HGSNAT: variants seen among roughly 807,000 people sequenced by gnomAD.
The protein encoded by HGSNAT is heparan-alpha-glucosaminide N-acetyltransferase.
HGSNAT carries 59 observed loss-of-function variants against 85.2 expected under a neutral mutation model. That is an observed-to-expected ratio of 0.69 (90% CI 0.56 to 0.86). The LOEUF is 0.86. HGSNAT is among the 40% of genes least tolerant of loss of function. The pLI, the probability that HGSNAT is intolerant of heterozygous loss-of-function variation, is 0.00. For synonymous variants in HGSNAT, 321 were observed against 304.5 expected, an observed-to-expected ratio of 1.05 and a Z score of -0.56; for missense variants, 756 against 777.1, an observed-to-expected ratio of 0.97 and a Z score of 0.32.
In HGSNAT at chr8:43,200,109, G is replaced by A. The variant is rs2130827087; in HGVS notation, c.*540G>A. On this transcript the variant is annotated 3_prime_UTR_variant, in exon 18 of 18. Coordinates refer to ENST00000379644, the MANE Select transcript of HGSNAT (RefSeq NM_152419.3). ...CCAAAGTAATTTTCTTTTCAGATAT[G>A]CAAGGCTTTGGTGGGTCCAAAAAAT... is the stretch of plus-strand genomic sequence containing the variant. The A allele has an allele frequency of 6.6e-6, 1 of 152,322 alleles. No homozygotes were observed. Among genetic ancestry groups the A allele is most frequent in the Non-Finnish European group, 1.5e-5 (1 of 68,036 alleles). The allele number at this position is 152,322 out of a possible 1,614,324, so 9.4% of individuals were successfully genotyped here.
chr8:43,147,831 T>A (rs1387034404), intron 2 of HGSNAT, among the ~76,000 whole-genome samples: 1 of 152,156 alleles, frequency 6.6e-6, no homozygotes, highest in Non-Finnish European at 1.5e-5. Context: ...ACCTACTAGG[T>A]ACTGTGCTCA....
chr8:43,181,862 C>A, intron 10 of HGSNAT: 1 of 428,840 alleles, frequency 2.3e-6, no homozygotes, highest in Non-Finnish European at 4.2e-6. Flanking sequence ...CTGAGTAAGA[C>A]GCTTTGGTTC....
At chr8:43,142,728 A>C (rs1802589528) in intron 1 of HGSNAT, among the ~76,000 whole-genome samples, 1 of 152,172 alleles carries the variant, frequency 6.6e-6, no homozygotes, top group Admixed American at 6.5e-5. Flanking sequence ...GTTTTTTTAG[A>C]GCTTCCTCAG....
At chr8:43,161,840 C>T (rs1000199847) in intron 5 of HGSNAT, among the ~76,000 whole-genome samples, 5 of 152,232 alleles carry the variant, frequency 3.3e-5, no homozygotes, top group South Asian at 2.1e-4. Flanking sequence ...AGGAGGAGGT[C>T]GCTGCACTGA....
At chr8:43,172,144 A>C (rs1803644951) in intron 7 of HGSNAT, among the ~76,000 whole-genome samples, 166 bp from the exon 8 acceptor site, 1 of 152,234 alleles carries the variant, frequency 6.6e-6, no homozygotes, top group Admixed American at 6.5e-5. Context: ...CGATGACTAG[A>C]AAATAATCGC....
chr8:43,170,606 A>G lies in HGSNAT; in HGVS notation c.655A>G (p.Thr219Ala), dbSNP rs1803591651. 3 of 1,609,728 alleles carry G rather than the reference A, an allele frequency of 1.9e-6. No individual in the cohort carries two copies. The highest frequency in any genetic ancestry group is 2.2e-5 in the South Asian group (2 of 89,908). ...GAAGGAGCTGGGATCTCCCAGCAGGACAGACCCTCTCGATGGTGATGTTCA... is the reference window on the plus strand; with the variant it reads ...GAAGGAGCTGGGATCTCCCAGCAGGGCAGACCCTCTCGATGGTGATGTTCA... ...INSELGSPSR[T>A]DPLDGDVQPA... is the part of the protein sequence containing the mutation. Residue 219 changes from threonine to alanine, a missense_variant, in exon 7 of 18, where the codon ACA becomes GCA. By Grantham distance (58) the Thr-to-Ala change is moderately conservative. Transcript: ENST00000379644.
At chr8:43,147,528 C>T (rs149179274) in intron 2 of HGSNAT, among the ~76,000 whole-genome samples, 1 of 152,282 alleles carries the variant, frequency 6.6e-6, no homozygotes, top group East Asian at 1.9e-4. Flanking sequence ...AAGGACAAGG[C>T]TATTCTTTCA....
intron 2 of HGSNAT, among the ~76,000 whole-genome samples, chr8:43,155,195 A>T (rs1274093286): frequency 6.6e-6 from 1 of 152,150 alleles, no homozygotes; most frequent in African/African-American, 2.4e-5. Flanking sequence ...ATTCCCAACA[A>T]CAGTGTGTAA....
At chr8:43,156,056 T>C (rs1384925595) in intron 2 of HGSNAT, among the ~76,000 whole-genome samples, 1 of 152,106 alleles carries the variant, frequency 6.6e-6, no homozygotes, top group Non-Finnish European at 1.5e-5. Context: ...GCCAGGCTGG[T>C]CTCGAATTCC....
intron 2 of HGSNAT, among the ~76,000 whole-genome samples, chr8:43,158,302 G>A (rs2130713093): frequency 6.6e-6 from 1 of 152,292 alleles, no homozygotes; most frequent in Admixed American, 6.5e-5. Context: ...GTTTCACCAT[G>A]TTGGCCAGGA....
chr8:43,192,397 A>AG lies in HGSNAT; in HGVS notation c.1345dup (p.Asp449GlyfsTer21), dbSNP rs483352894. 39 of 1,613,480 alleles carry AG rather than the reference A, an allele frequency of 2.4e-5. No individual in the cohort carries two copies. Among genetic ancestry groups the AG allele is most frequent in the Non-Finnish European group, 3.2e-5 (38 of 1,179,730 alleles). Reference sequence around the variant, plus strand: ...GCTACATCGACCGCCTGCTGCTGGGAGACGATCACCTTTACCAGCACCCAT... The same window carrying AG: ...GCTACATCGACCGCCTGCTGCTGGGAGGACGATCACCTTTACCAGCACCCAT... On this transcript the variant is annotated frameshift_variant, in exon 13 of 18. Coordinates refer to ENST00000379644, the MANE Select transcript of HGSNAT (RefSeq NM_152419.3). LOFTEE classifies it high-confidence loss of function.
At chr8:43,198,000 C>T (rs1292210107) in intron 17 of HGSNAT, 48 bp downstream of exon 17, 6 of 1,369,872 alleles carry the variant, frequency 4.4e-6, no homozygotes, top group Admixed American at 1.9e-5. Context: ...GACCAGGAGG[C>T]AGGCCCAGGG....
intron 14 of HGSNAT, among the ~76,000 whole-genome samples, chr8:43,194,746 G>A (rs1804651270): frequency 6.6e-6 from 1 of 152,188 alleles, no homozygotes; most frequent in Admixed American, 6.5e-5. Flanking sequence ...ATTCATGAGG[G>A]TGGAGCCCTC....
At chr8:43,198,131 C>T (rs1804790238) in intron 17 of HGSNAT, among the ~76,000 whole-genome samples, 179 bp downstream of exon 17, 2 of 152,178 alleles carry the variant, frequency 1.3e-5, no homozygotes, top group African/African-American at 4.8e-5. Context: ...CCAGATGTCA[C>T]TGGCCTGCTC....
At position 43,200,687 on chromosome 8, in the gene HGSNAT, T is replaced by C. The variant is rs1187003680; in HGVS notation, c.*1118T>C. ...AAGGACAAACAGAGACACACGGCAT[T>C]GTTCATGGGAGGCATCGTCACCCTC... On this transcript the variant is annotated 3_prime_UTR_variant, in exon 18 of 18. Coordinates refer to ENST00000379644, the MANE Select transcript of HGSNAT (RefSeq NM_152419.3). 1 of 152,352 alleles carries C rather than the reference T, an allele frequency of 6.6e-6. No individual in the cohort carries two copies. Among genetic ancestry groups the C allele is most frequent in the Non-Finnish European group, 1.5e-5 (1 of 68,052 alleles). 9.4% of individuals were successfully genotyped at this position (152,352 alleles called of 1,614,324 possible).
chr8:43,144,324 C>CAA (rs1398224071), intron 1 of HGSNAT, among the ~76,000 whole-genome samples: 186 of 64,954 alleles, frequency 2.9e-3, no homozygotes, highest in African/African-American at 9.9e-3. Context: ...GACTCTGTCT[C>CAA]AAAAAAAAAA....
chr8:43,167,341 A>T (rs1273378924), intron 5 of HGSNAT, among the ~76,000 whole-genome samples: 1 of 152,184 alleles, frequency 6.6e-6, no homozygotes, highest in Non-Finnish European at 1.5e-5. Context: ...GTCTGTGGCA[A>T]ACTGTATTGT....
chr8:43,158,595 A>G lies in HGSNAT; in HGVS notation c.255A>G (p.Val85=). 1 of 1,613,952 alleles carries G rather than the reference A, an allele frequency of 6.2e-7. No individual in the cohort carries two copies. Among genetic ancestry groups the G allele is most frequent in the South Asian group, 1.1e-5 (1 of 91,082 alleles). The change falls in exon 3 of 18, where the codon GTA becomes GTG. Residue 85 remains valine, a synonymous_variant. Transcript: ENST00000379644. ...CCYHCLFQVL[V]NVPQSPKAGK... is the part of the protein sequence containing the mutation. Reference sequence around the variant, plus strand: ...TACAGTGCTTGTTTCAGGTTCTGGTAAACGTTCCTCAGAGTCCAAAAGCAG... The same window carrying G: ...TACAGTGCTTGTTTCAGGTTCTGGTGAACGTTCCTCAGAGTCCAAAAGCAG...
At chr8:43,166,306 A>G (rs1484678537) in intron 5 of HGSNAT, among the ~76,000 whole-genome samples, 2 of 152,230 alleles carry the variant, frequency 1.3e-5, no homozygotes, top group East Asian at 1.9e-4. Context: ...ACAGCCTTCT[A>G]TTGGAAGAAG....
Sources: allele counts gnomAD v4.1 joint callset (sites outside exome capture counted in the v4.1 genomes callset), GRCh38; gene constraint gnomAD v4.1.1; transcripts MANE v1.5; gene names NCBI Gene and HGNC (gene_info 2026-07-23, HGNC 2026-07-21).